Variants in AGBL1 observed in about 807,000 individuals in gnomAD.
AGBL1 encodes AGBL carboxypeptidase 1, also known as cytosolic carboxypeptidase 4.
Under a neutral mutation model 118.9 loss-of-function variants are expected in AGBL1, and 130 were observed. That is an observed-to-expected ratio of 1.09 (90% CI 0.95 to 1.26). AGBL1 has a LOEUF of 1.26. AGBL1 is among the 50% of genes most tolerant of loss of function. AGBL1 has a pLI of 0.00. For synonymous variants in AGBL1, 555 were observed against 478.9 expected (o/e 1.16, Z -2.08); for missense variants, 1,584 against 1,298.1 (o/e 1.22, Z -3.38).
At chr15:86,605,074 C>A (rs1046860687) in intron 21 of AGBL1, among the ~76,000 whole-genome samples, 1 of 152,178 alleles carries the variant, frequency 6.6e-6, no homozygotes, top group South Asian at 2.1e-4. Context: ...GGATTACAGG[C>A]GTGAGCCACC....
chr15:86,706,102 A>G (rs879635051), intron 22 of AGBL1, among the ~76,000 whole-genome samples: 21 of 152,260 alleles, frequency 1.4e-4, no homozygotes, highest in Admixed American at 2.6e-4. Context: ...AACGTCTGCC[A>G]ATTGCAAATG....
chr15:86,089,965 A>G (rs1895913454), intron 1 of AGBL1, among the ~76,000 whole-genome samples: 1 of 152,220 alleles, frequency 6.6e-6, no homozygotes, highest in African/African-American at 2.4e-5. Context: ...TTGAAGAAAA[A>G]TGGGCATTAC....
intron 21 of AGBL1, among the ~76,000 whole-genome samples, chr15:86,569,445 A>T (rs186649716): frequency 6.6e-6 from 1 of 152,080 alleles, no homozygotes; most frequent in Non-Finnish European, 1.5e-5. Flanking sequence ...CCGGATGCTA[A>T]TCTATCATTT....
rs901558435 is a variant in AGBL1 at position 86,767,881 on chromosome 15, T to G, written c.3158+93445T>G. On this transcript the variant is annotated intron_variant, in intron 22 of 22. Transcript: ENST00000614907. ...ACAATCGAGAAGTCAAACAATCTTA[T>G]GTTCTATTCAAATGTGAAAATTTGC... is the stretch of plus-strand genomic sequence containing the variant. Among the ~76,000 whole-genome samples, 3 of 152,016 alleles carry G rather than the reference T, an allele frequency of 2.0e-5. No homozygotes were observed. In the East Asian group the frequency reaches 5.8e-4, roughly 29 times the overall value.
chr15:86,252,142 A>G (rs1349361742), intron 7 of AGBL1, among the ~76,000 whole-genome samples: 1 of 152,198 alleles, frequency 6.6e-6, no homozygotes, highest in Non-Finnish European at 1.5e-5. Flanking sequence ...TACTGATGCT[A>G]CTGGTCTGGG....
At chr15:86,191,870 G>A (rs893214885) in intron 5 of AGBL1, among the ~76,000 whole-genome samples, 3 of 150,508 alleles carry the variant, frequency 2.0e-5, no homozygotes, top group African/African-American at 7.3e-5. Flanking sequence ...CCAGGAGTAT[G>A]AGACCAAGCC....
intron 24 of AGBL1, among the ~76,000 whole-genome samples, chr15:87,020,961 C>T (rs963045201): frequency 1.3e-5 from 2 of 152,028 alleles, no homozygotes; most frequent in African/African-American, 2.4e-5. Context: ...CATTCAACTA[C>T]CATTGACATT....
chr15:86,461,561 G>A (rs1358717651), intron 18 of AGBL1, among the ~76,000 whole-genome samples: 1 of 152,064 alleles, frequency 6.6e-6, no homozygotes, highest in Non-Finnish European at 1.5e-5. Flanking sequence ...TTTCACAGGA[G>A]TATCACGGCA....
In AGBL1 at chr15:86,532,814, A is replaced by G. The variant is rs1460294149; in HGVS notation, c.2685+9875A>G. On this transcript the variant is annotated intron_variant, in intron 19 of 22. Transcript: ENST00000614907. ...CCCTCAGAAATAACGCCGCTTACCT[A>G]CAACTATCTGATCTTTGACAAACCT... 1.8e-3 allele frequency among the ~76,000 whole-genome samples: 156 copies of G among 87,360 alleles called. 15 individuals carry two copies. The highest frequency in any genetic ancestry group is 1.9e-3 in the Non-Finnish European group (87 of 46,080). 57.3% of individuals were successfully genotyped at this position (87,360 alleles called of 152,430 possible).
chr15:86,693,346 T>C (rs2086204189), intron 22 of AGBL1, among the ~76,000 whole-genome samples: 1 of 152,196 alleles, frequency 6.6e-6, no homozygotes, highest in Non-Finnish European at 1.5e-5. Flanking sequence ...ATTTCCCTGA[T>C]CATTAGTGAT....
In AGBL1 at chr15:86,143,708, G is replaced by A. The variant is rs542232271; in HGVS notation, c.125G>A (p.Arg42Gln). ...TCCGGTTTCCCCTCAGGCACAGACC[G>A]GAGAATTCACTACATGATCAGCAAG... ...LGDLLSVGTD[R>Q]RIHYMISKGG... is the part of the protein sequence containing the mutation. Residue 42 changes from arginine to glutamine, a missense_variant, in exon 3 of 23, where the codon CGG (arginine) becomes CAG (glutamine). Arg to Gln is a conservative substitution (Grantham distance 43). Transcript: ENST00000614907. The A allele has an allele frequency of 1.9e-5, 30 of 1,613,462 alleles. No individual in the cohort carries two copies. Among genetic ancestry groups the A allele is most frequent in the South Asian group, 2.2e-5 (2 of 91,060 alleles).
intron 22 of AGBL1, among the ~76,000 whole-genome samples, chr15:86,838,900 T>C (rs1192202872): frequency 8.2e-6 from 1 of 122,282 alleles, no homozygotes; most frequent in East Asian, 2.7e-4. Context: ...GCTAGAGCTA[T>C]GGCCACTGCA....
intron 1 of AGBL1, among the ~76,000 whole-genome samples, chr15:86,113,293 T>C (rs1314227202): frequency 2.0e-4 from 22 of 112,072 alleles, no homozygotes; most frequent in Non-Finnish European, 2.9e-4. Flanking sequence ...CTTTCTTTTT[T>C]TTTTTTTTTT....
At chr15:86,234,550 CA>C (rs397854519) in intron 6 of AGBL1, among the ~76,000 whole-genome samples, 29,926 of 76,390 alleles carry the variant, frequency 0.39, 3,433 homozygotes, top group East Asian at 0.55. Flanking sequence ...GACTCTATCT[CA>C]AAAAAAAAAA....
intron 1 of AGBL1, among the ~76,000 whole-genome samples, chr15:86,124,623 G>C (rs572421226): frequency 6.6e-6 from 1 of 152,272 alleles, no homozygotes; most frequent in African/African-American, 2.4e-5. Flanking sequence ...TCATGCCTCT[G>C]ATACTGACCC....
At chr15:86,756,604 A>C (rs1053568432) in intron 22 of AGBL1, among the ~76,000 whole-genome samples, 1 of 152,084 alleles carries the variant, frequency 6.6e-6, no homozygotes, top group Non-Finnish European at 1.5e-5. Flanking sequence ...TCCTAAATGA[A>C]GATGAGGAGT....
At position 86,271,694 on chromosome 15, in the gene AGBL1, T is replaced by C. The variant is rs2079165134; in HGVS notation, c.2063T>C (p.Ile688Thr). The C allele has an allele frequency of 6.2e-7, 1 of 1,612,596 alleles. No homozygotes were observed. Among genetic ancestry groups the C allele is most frequent in the African/African-American group, 1.3e-5 (1 of 74,874 alleles). Reference protein sequence around the residue: ...KPTWIRTGHEICYYKNHYRQS... With the variant: ...KPTWIRTGHETCYYKNHYRQS... ...ACCTGGATAAGGACAGGCCATGAAA[T>C]ATGTTATTACAAGTAAGTTAGAGCG... Residue 688 changes from isoleucine to threonine, a missense_variant, in exon 15 of 23, where the codon ATA becomes ACA. Transcript: ENST00000614907.
At chr15:86,875,144 A>AT (rs2079789022) in intron 22 of AGBL1, among the ~76,000 whole-genome samples, 1 of 152,202 alleles carries the variant, frequency 6.6e-6, no homozygotes, top group African/African-American at 2.4e-5. Flanking sequence ...ACGTGTCACA[A>AT]TTTCTCTTCC....
chr15:86,191,743 C>A (rs920835259), intron 5 of AGBL1, among the ~76,000 whole-genome samples: 2 of 151,778 alleles, frequency 1.3e-5, no homozygotes, highest in African/African-American at 4.8e-5. Flanking sequence ...GGGAAATCTT[C>A]CTCCATTATT....
Sources: gnomAD v4.1 joint callset for allele counts (sites outside exome capture counted in the v4.1 genomes callset) on GRCh38, gnomAD v4.1.1 for gene constraint, MANE v1.5 for transcripts, NCBI Gene and HGNC (gene_info 2026-07-23, HGNC 2026-07-21) for gene names.